The following TTC8 variants were observed in gnomAD, a reference collection of about 807,000 sequenced individuals.
TTC8 encodes the protein tetratricopeptide repeat domain 8.
TTC8 carries 47 observed loss-of-function variants against 72.5 expected under a neutral mutation model. The ratio of observed to expected loss-of-function variants is 0.65; its 90% confidence interval spans 0.51 to 0.83. The LOEUF is 0.83. TTC8 is among the 40% of genes least tolerant of loss of function. The pLI, the probability that TTC8 is intolerant of heterozygous loss-of-function variation, is 0.00. For missense variants in TTC8, 611 were observed against 623.2 expected (o/e 0.98, Z 0.21); for synonymous variants, 199 against 221.4 (o/e 0.90, Z 0.90).
Position 88,844,052 on chromosome 14 carries a change from A to T in TTC8, c.624+202A>T, listed in dbSNP as rs114369854. Among the ~76,000 whole-genome samples the T allele has an allele frequency of 2.7e-3, 406 of 152,310 alleles. 3 individuals carry two copies. Among genetic ancestry groups the T allele is most frequent in the African/African-American group, 8.9e-3 (371 of 41,588 alleles). On this transcript the variant is annotated intron_variant, in intron 7 of 14. Coordinates refer to ENST00000380656, the MANE Select transcript of TTC8 (RefSeq NM_144596.4). The stretch of plus-strand genomic sequence containing the variant: ...AAGTGATAAGAACTATGCTTGGTTC[A>T]TAGAGTATGTAGATCTCCAATAAAT...
intron 6 of TTC8, among the ~76,000 whole-genome samples, chr14:88,842,248 G>A (rs1163530327): frequency 1.3e-5 from 2 of 152,170 alleles, no homozygotes; most frequent in Non-Finnish European, 2.9e-5. Context: ...CTGAGCATAA[G>A]TGCTGAGCTC....
chr14:88,859,843 T>C (rs2094875517), intron 9 of TTC8, among the ~76,000 whole-genome samples: 1 of 108,562 alleles, frequency 9.2e-6, no homozygotes, highest in African/African-American at 4.3e-5. Flanking sequence ...ATAAAAATAA[T>C]ATAAATATAT....
chr14:88,875,069 T>G lies in TTC8; in HGVS notation c.1391T>G (p.Met464Arg), dbSNP rs149892313. The G allele has an allele frequency of 6.2e-7, 1 of 1,612,968 alleles. No homozygotes were observed. The highest frequency in any genetic ancestry group is 1.3e-5 in the African/African-American group (1 of 74,924). The change falls in exon 14 of 15, where the codon ATG (methionine) becomes AGG (arginine). Residue 464 changes from methionine to arginine, a missense_variant. Physicochemically the swap from Met to Arg is moderately conservative, Grantham distance 91. Transcript: ENST00000380656. Reference protein sequence around the residue: ...LQTASSLAPHMYEPHFNFATI... With the variant: ...LQTASSLAPHRYEPHFNFATI... ...ACTGCATCATCATTAGCACCCCATA[T>G]GTATGAACCGCATTTTAATTTTGCA... is the stretch of plus-strand genomic sequence containing the variant.
chr14:88,876,006 G>A (rs2094955939), intron 14 of TTC8, among the ~76,000 whole-genome samples: 1 of 152,088 alleles, frequency 6.6e-6, no homozygotes, highest in Non-Finnish European at 1.5e-5. Flanking sequence ...ATGTAATGAT[G>A]AGTAAAAGAC....
chr14:88,852,660 G>T (rs923977928), intron 7 of TTC8, among the ~76,000 whole-genome samples: 1 of 152,132 alleles, frequency 6.6e-6, no homozygotes, highest in African/African-American at 2.4e-5. Flanking sequence ...AAATCAGGGG[G>T]AGTGGGTAAA....
intron 8 of TTC8, among the ~76,000 whole-genome samples, chr14:88,854,868 A>AT (rs1381177902): frequency 1.3e-5 from 2 of 151,948 alleles, no homozygotes; most frequent in Non-Finnish European, 2.9e-5. Flanking sequence ...TTTCTTTTTT[A>AT]TAGAGACAGG....
intron 1 of TTC8, among the ~76,000 whole-genome samples, chr14:88,828,951 G>A (rs1287503303): frequency 6.6e-6 from 1 of 152,152 alleles, no homozygotes; most frequent in Non-Finnish European, 1.5e-5. Flanking sequence ...GAGGTATGAT[G>A]TACTATGCAA....
Position 88,841,639 on chromosome 14 carries a change from A to G in TTC8, c.579+125A>G, listed in dbSNP as rs936313617. ...GTCTTTATTGAAGTGGAAATGTTTT[A>G]TATGTAAAATTACTCTTAGTCTTTG... On this transcript the variant is annotated intron_variant, in intron 6 of 14. Transcript: ENST00000380656. 4 of 830,196 alleles carry G rather than the reference A, an allele frequency of 4.8e-6. No homozygotes were observed. In the East Asian group the frequency reaches 1.0e-4, roughly 21 times the overall value. The allele number at this position is 830,196 out of a possible 1,614,324, so 51.4% of individuals were successfully genotyped here.
chr14:88,826,453 C>G (rs1040494050), intron 1 of TTC8, among the ~76,000 whole-genome samples: 2 of 151,490 alleles, frequency 1.3e-5, no homozygotes, highest in South Asian at 2.1e-4. Context: ...GCCTGTAAAC[C>G]CAGCGCTTTG....
intron 3 of TTC8, 118 bp downstream of exon 3, chr14:88,839,690 C>T: frequency 8.3e-7 from 1 of 1,197,748 alleles, no homozygotes; most frequent in East Asian, 2.7e-5. Flanking sequence ...ACATTATAGA[C>T]ATGAAACAAA....
chr14:88,824,662 A>G lies in TTC8; in HGVS notation c.-46A>G. 1 of 1,506,012 alleles carries G rather than the reference A, an allele frequency of 6.6e-7. No homozygotes were observed. Among genetic ancestry groups the G allele is most frequent in the South Asian group, 1.2e-5 (1 of 84,088 alleles). The allele number at this position is 1,506,012 out of a possible 1,614,324, so 93.3% of individuals were successfully genotyped here. ...GCCGCCAGCTCTTCACTCCACGCCC[A>G]CCTCTCTCCTGGAGCGCTGGGCCTT... is the stretch of plus-strand genomic sequence containing the variant. On this transcript the variant is annotated 5_prime_UTR_variant, in exon 1 of 15. Transcript: ENST00000380656.
In TTC8 at chr14:88,839,343, A is replaced by T. The variant is rs2094768592; in HGVS notation, c.145-109A>T. The T allele has an allele frequency of 2.3e-5, 26 of 1,137,940 alleles. No homozygotes were observed. The South Asian group carries it at 3.3e-4, about 14-fold the overall frequency. 70.5% of individuals were successfully genotyped at this position (1,137,940 alleles called of 1,614,324 possible). A position where few individuals can be genotyped will look rare whatever the true frequency, so the allele number is the denominator to read the frequency against. ...TAAAATAATGTGTTAAGAGGTAAACATGTTTAATATAAAATGAAATAACAA... is the reference window on the plus strand; with the variant it reads ...TAAAATAATGTGTTAAGAGGTAAACTTGTTTAATATAAAATGAAATAACAA... On this transcript the variant is annotated intron_variant, in intron 2 of 14. Coordinates refer to ENST00000380656, the MANE Select transcript of TTC8 (RefSeq NM_144596.4).
chr14:88,876,592 GTA>G (rs1244266307), intron 14 of TTC8, among the ~76,000 whole-genome samples: 2 of 152,064 alleles, frequency 1.3e-5, no homozygotes, highest in Admixed American at 1.3e-4. Flanking sequence ...TTGTATGCTT[GTA>G]TAAAAATATT....
At chr14:88,855,416 T>G (rs2094851583) in intron 8 of TTC8, among the ~76,000 whole-genome samples, 1 of 152,218 alleles carries the variant, frequency 6.6e-6, no homozygotes, top group Non-Finnish European at 1.5e-5. Context: ...TAAACTTGAC[T>G]GATGTTTTAT....
intron 2 of TTC8, among the ~76,000 whole-genome samples, chr14:88,838,187 A>G (rs1403834747): frequency 6.6e-6 from 1 of 152,214 alleles, no homozygotes; most frequent in African/African-American, 2.4e-5. Flanking sequence ...TTGAGCTCAC[A>G]AAAGGATCTT....
At chr14:88,834,638 G>C (rs1393479871) in intron 2 of TTC8, among the ~76,000 whole-genome samples, 1 of 152,056 alleles carries the variant, frequency 6.6e-6, no homozygotes, top group African/African-American at 2.4e-5. Flanking sequence ...TTAAAAGGCT[G>C]ACATTTGTCT....
intron 7 of TTC8, among the ~76,000 whole-genome samples, chr14:88,851,235 A>G (rs183734273): frequency 8.5e-5 from 13 of 152,312 alleles, no homozygotes; most frequent in African/African-American, 3.1e-4. Context: ...AGAGAAAAAA[A>G]GGTCAGAGTT....
downstream of TTC8, chr14:88,880,562 TAGACCTAAAC>T (rs1430638034): frequency 6.6e-6 from 1 of 151,176 alleles, no homozygotes; most frequent in Non-Finnish European, 1.5e-5. Flanking sequence ...GAGAAGAGGC[TAGACCTAAAC>T]AGATTTTAGG....
intron 10 of TTC8, among the ~76,000 whole-genome samples, chr14:88,866,616 T>C (rs2094910981): frequency 6.6e-6 from 1 of 152,128 alleles, no homozygotes. Flanking sequence ...GCCCCCCTTT[T>C]GTACTTAGGG....
Sources: allele counts gnomAD v4.1 joint callset (sites outside exome capture counted in the v4.1 genomes callset), GRCh38; gene constraint gnomAD v4.1.1; transcripts MANE v1.5; gene names NCBI Gene and HGNC (gene_info 2026-07-23, HGNC 2026-07-21).